MVP: variants seen among roughly 807,000 people sequenced by gnomAD.
MVP encodes major vault protein, also known as lung resistance-related protein.
In MVP, 62 loss-of-function variants were observed where a neutral mutation model predicts 83.5. That is an observed-to-expected ratio of 0.74 (90% CI 0.61 to 0.92). The LOEUF is 0.92. Ranked by LOEUF, MVP falls within the 40% of genes least tolerant of loss-of-function variation. The pLI is 0.00. For synonymous variants in MVP, 505 were observed against 504.1 expected (o/e 1.00, Z -0.02); for missense variants, 1,000 against 1,203.4 (o/e 0.83, Z 2.50).
intron 8 of MVP, among the ~76,000 whole-genome samples, chr16:29,840,722 A>T (rs2067528186): frequency 6.6e-6 from 1 of 152,128 alleles, no homozygotes; most frequent in Non-Finnish European, 1.5e-5. Context: ...CGGGCGGATC[A>T]CCTGAGGTCA....
chr16:29,831,561 C>A (rs2067442513), intron 3 of MVP: 2 of 455,328 alleles, frequency 4.4e-6, no homozygotes, highest in African/African-American at 2.0e-5. Flanking sequence ...CTCCACTCAC[C>A]TCCAGCCACC....
At chr16:29,828,671 C>T (rs969797815) in intron 1 of MVP, among the ~76,000 whole-genome samples, 4 of 152,190 alleles carry the variant, frequency 2.6e-5, no homozygotes, top group South Asian at 2.1e-4. Context: ...TGAGCCACCA[C>T]GCCCGGCCAA....
At position 29,830,584 on chromosome 16, in the gene MVP, C is replaced by CAT; in HGVS notation, c.37_38dup (p.His14ThrfsTer39). The CAT allele has an allele frequency of 6.2e-7, 1 of 1,614,080 alleles. No homozygotes were observed. The highest frequency in any genetic ancestry group is 8.5e-7 in the Non-Finnish European group (1 of 1,179,986). On this transcript the variant is annotated frameshift_variant, in exon 2 of 15. Coordinates refer to ENST00000357402, the MANE Select transcript of MVP (RefSeq NM_005115.5). LOFTEE classifies it high-confidence loss of function. ...GAAGAGTTCATCATCCGCATCCCCCCATACCACTATATCCATGTGCTGGAC... is the reference window on the plus strand; with the variant it reads ...GAAGAGTTCATCATCCGCATCCCCCCATATACCACTATATCCATGTGCTGGAC...
Position 29,826,497 on chromosome 16 carries a change from C to T in MVP, c.-35-4018C>T, listed in dbSNP as rs143799776. Among the ~76,000 whole-genome samples the T allele has an allele frequency of 4.3e-3, 657 of 151,926 alleles. 4 individuals carry two copies. Among genetic ancestry groups the T allele is most frequent in the Admixed American group, 0.015 (232 of 15,228 alleles). On this transcript the variant is annotated intron_variant, in intron 1 of 14. Coordinates refer to ENST00000357402, the MANE Select transcript of MVP (RefSeq NM_005115.5). The stretch of plus-strand genomic sequence containing the variant: ...TAAAAATTAGCTAGGTGTGGCAGTA[C>T]GTATCTACAGTCCCAGCTACTCGGG...
Position 29,847,243 on chromosome 16 carries a change from T to A in MVP, c.2312T>A (p.Val771Asp). 6.2e-7 allele frequency: 1 copy of A among 1,613,602 alleles called. No individual in the cohort carries two copies. Among genetic ancestry groups the A allele is most frequent in the Non-Finnish European group, 8.5e-7 (1 of 1,179,968 alleles). ...RVQKVRELELVYARAQLELEV... is the reference protein window; with the variant it reads ...RVQKVRELELDYARAQLELEV... ...CAGAAGGTCCGAGAGCTGGAACTGG[T>A]CTATGCCCGGGCCCAGCTGGAGCTG... Residue 771 changes from valine to aspartate, a missense_variant, in exon 14 of 15, where the codon GTC (valine) becomes GAC (aspartate). Val to Asp is a radical substitution (Grantham distance 152). Transcript: ENST00000357402.
intron 1 of MVP, chr16:29,830,201 T>C (rs1306177046): frequency 9.4e-6 from 2 of 213,014 alleles, no homozygotes. Flanking sequence ...GATCTGAAGC[T>C]CTTTGCAGTG....
intron 14 of MVP, 123 bp downstream of exon 14, chr16:29,847,508 A>G: frequency 1.0e-6 from 1 of 994,464 alleles, no homozygotes; most frequent in East Asian, 2.6e-5. Context: ...GACCTGACCC[A>G]CGATGCAGGG....
chr16:29,824,084 C>T (rs548305762), intron 1 of MVP, among the ~76,000 whole-genome samples: 7 of 151,308 alleles, frequency 4.6e-5, no homozygotes, highest in African/African-American at 1.5e-4. Context: ...GGTGTGGTGG[C>T]GGACATCTGT....
chr16:29,830,884 GTT>G lies in MVP; in HGVS notation c.134_135del (p.Phe45CysfsTer31). 6.2e-7 allele frequency: 1 copy of G among 1,611,836 alleles called. No individual in the cohort carries two copies. Among genetic ancestry groups the G allele is most frequent in the Non-Finnish European group, 8.5e-7 (1 of 1,178,274 alleles). Reference protein sequence around the residue: ...YIRQDNERVLFAPMRMVTVPP... With the variant: ...YIRQDNERVLXAPMRMVTVPP... ...TCTTCTCATCTTCCTGCAGGGTACT[GTT>G]TGCCCCCATGCGCATGGTGACCGTC... On this transcript the variant is annotated frameshift_variant, in exon 3 of 15. Transcript: ENST00000357402. LOFTEE classifies it high-confidence loss of function.
chr16:29,845,014 C>A, intron 11 of MVP, 135 bp downstream of exon 11: 2 of 1,223,390 alleles, frequency 1.6e-6, no homozygotes, highest in Admixed American at 2.7e-5. Context: ...CCCAACAGAT[C>A]AGGTGACCCA....
chr16:29,822,844 A>G (rs2067373526), intron 1 of MVP, among the ~76,000 whole-genome samples: 1 of 152,154 alleles, frequency 6.6e-6, no homozygotes, highest in Non-Finnish European at 1.5e-5. Flanking sequence ...CAGCCTCCCG[A>G]GTAGCTGAGA....
chr16:29,830,471 C>T (rs2067432627), intron 1 of MVP, 44 bp from the exon 2 acceptor site: 1 of 1,548,582 alleles, frequency 6.5e-7, no homozygotes, highest in African/African-American at 1.4e-5. Flanking sequence ...TGCCCCACCC[C>T]AGGCTCCCCA....
intron 13 of MVP, 72 bp from the exon 14 acceptor site, chr16:29,847,125 G>A (rs2067591416): frequency 2.0e-6 from 3 of 1,519,130 alleles, no homozygotes; most frequent in Non-Finnish European, 1.8e-6. Context: ...GGAGTTCAAG[G>A]CTGCAGTGAG....
Position 29,831,143 on chromosome 16 carries a change from G to A in MVP, c.321+70G>A, listed in dbSNP as rs2067439317. 2.9e-6 allele frequency: 4 copies of A among 1,378,342 alleles called. No individual in the cohort carries two copies. The South Asian group carries it at 4.0e-5, about 14-fold the overall frequency. 85.4% of individuals were successfully genotyped at this position (1,378,342 alleles called of 1,614,324 possible). A position where few individuals can be genotyped will look rare whatever the true frequency, so the allele number is the denominator to read the frequency against. On this transcript the variant is annotated intron_variant, in intron 3 of 14. Coordinates refer to ENST00000357402, the MANE Select transcript of MVP (RefSeq NM_005115.5). Reference sequence around the variant, plus strand: ...CACCTGCCTTGGGCTCTATACTGCTGCCTTCTTCTTCTTTTTTTCTTTTCT... The same window carrying A: ...CACCTGCCTTGGGCTCTATACTGCTACCTTCTTCTTCTTTTTTTCTTTTCT...
chr16:29,835,660 C>G, intron 5 of MVP, 44 bp from the exon 6 acceptor site: 5 of 1,541,696 alleles, frequency 3.2e-6, no homozygotes, highest in Non-Finnish European at 4.5e-6. Context: ...AGGTGGGGAG[C>G]AGGCTGGGGG....
chr16:29,831,864 G>A (rs538491406), intron 3 of MVP: 6 of 365,966 alleles, frequency 1.6e-5, no homozygotes, highest in African/African-American at 1.3e-4. Flanking sequence ...GCCTGAGCAG[G>A]TGGGTGTCCC....
At chr16:29,832,322 G>T (rs1185008992) in intron 3 of MVP, among the ~76,000 whole-genome samples, 1 of 133,948 alleles carries the variant, frequency 7.5e-6, no homozygotes, top group African/African-American at 3.0e-5. Flanking sequence ...TTTTGAGATG[G>T]AGTCTCACTC....
In MVP at chr16:29,835,662, G is replaced by C. The variant is rs112454172; in HGVS notation, c.578-42G>C. ...GTGGGGGAGGGGTAGGTGGGGAGCAGGCTGGGGGGCCCTTGTCCCTTACCC... is the reference window on the plus strand; with the variant it reads ...GTGGGGGAGGGGTAGGTGGGGAGCACGCTGGGGGGCCCTTGTCCCTTACCC... On this transcript the variant is annotated intron_variant, in intron 5 of 14. Coordinates refer to ENST00000357402, the MANE Select transcript of MVP (RefSeq NM_005115.5). 32 of 1,569,188 alleles carry C rather than the reference G, an allele frequency of 2.0e-5. No individual in the cohort carries two copies. In the African/African-American group the frequency reaches 2.2e-4, roughly 11 times the overall value.
intron 7 of MVP, among the ~76,000 whole-genome samples, chr16:29,838,151 A>G (rs557150076): frequency 6.6e-6 from 1 of 152,228 alleles, no homozygotes; most frequent in East Asian, 1.9e-4. Context: ...AAGTAGAAAT[A>G]GGCCAGGCAT....
Sources: gnomAD v4.1 joint callset for allele counts (sites outside exome capture counted in the v4.1 genomes callset) on GRCh38, gnomAD v4.1.1 for gene constraint, MANE v1.5 for transcripts, NCBI Gene and HGNC (gene_info 2026-07-23, HGNC 2026-07-21) for gene names.